The following DENND1B variants were observed in gnomAD, a reference collection of about 807,000 sequenced individuals.
DENND1B encodes DENN domain-containing protein 1B.
DENND1B carries 59 observed loss-of-function variants against 90.1 expected under a neutral mutation model. The ratio of observed to expected loss-of-function variants is 0.65; its 90% CI spans 0.53 to 0.81. The LOEUF is 0.81. Ranked by LOEUF, DENND1B falls within the 40% of genes least tolerant of loss-of-function variation. The pLI is 0.00. For missense variants in DENND1B, 862 were observed against 912.6 expected (o/e 0.94, Z 0.71); for synonymous variants, 337 against 324.6 (o/e 1.04, Z -0.41).
rs75804116 is a variant in DENND1B, at chr1:197,718,969, T to C, written c.83-3895A>G. On this transcript the variant is annotated intron_variant, in intron 2 of 22. Transcript: ENST00000620048. The stretch of plus-strand genomic sequence containing the variant: ...AATGCAGCTAGAGTGTGTGTTATTA[T>C]GAAAGTCAAGAGAAGAGGGTGTATC... Among the ~76,000 whole-genome samples, 1,272 of 152,156 alleles carry C rather than the reference T, an allele frequency of 8.4e-3. 18 individuals carry two copies. Among genetic ancestry groups the C allele is most frequent in the African/African-American group, 0.028 (1,168 of 41,524 alleles).
chr1:197,627,045 C>A (rs1678815453), intron 10 of DENND1B, among the ~76,000 whole-genome samples: 1 of 151,934 alleles, frequency 6.6e-6, no homozygotes, highest in South Asian at 2.1e-4. Context: ...AGTAGCTTAC[C>A]AAACCAAAAG....
At chr1:197,551,886 CCA>C (rs1671269455) in intron 16 of DENND1B, among the ~76,000 whole-genome samples, 1 of 152,094 alleles carries the variant, frequency 6.6e-6, no homozygotes, top group Non-Finnish European at 1.5e-5. Context: ...CTGAATGATT[CCA>C]CATTCAGCTT....
At chr1:197,552,435 A>G (rs1212104163) in intron 16 of DENND1B, 2 of 985,330 alleles carry the variant, frequency 2.0e-6, no homozygotes. Flanking sequence ...TAAATTATTA[A>G]TTGCCTAGAT....
rs1671297691 is a variant in DENND1B at position 197,552,225 on chromosome 1, T to C, written c.1240+797A>G. 5.1e-6 allele frequency: 5 copies of C among 983,938 alleles called. No homozygotes were observed. The South Asian group carries it at 1.4e-4, about 28-fold the overall frequency. The allele number at this position is 983,938 out of a possible 1,614,324, so 61.0% of individuals were successfully genotyped here. A position where few individuals can be genotyped will look rare whatever the true frequency, so the allele number is the denominator to read the frequency against. On this transcript the variant is annotated intron_variant, in intron 16 of 22. Transcript: ENST00000620048. Reference sequence around the variant, plus strand: ...AAAGAAGTTTAAAAAATTGCTATTATACCAGGCCAAAAATTAACACACTAA... The same window carrying C: ...AAAGAAGTTTAAAAAATTGCTATTACACCAGGCCAAAAATTAACACACTAA...
At chr1:197,766,333 C>G (rs1655694730) in intron 2 of DENND1B, among the ~76,000 whole-genome samples, 1 of 152,192 alleles carries the variant, frequency 6.6e-6, no homozygotes, top group Admixed American at 6.5e-5. Context: ...CTTAAATGAA[C>G]ACAAAGTTAC....
In DENND1B at chr1:197,769,045, G is replaced by T. The variant is rs190783736; in HGVS notation, c.82+3823C>A. 5.9e-5 allele frequency among the ~76,000 whole-genome samples: 9 copies of T among 152,112 alleles called. No homozygotes were observed. In the East Asian group the frequency reaches 1.4e-3, roughly 23 times the overall value. On this transcript the variant is annotated intron_variant, in intron 2 of 22. Coordinates refer to ENST00000620048, the MANE Select transcript of DENND1B (RefSeq NM_001195215.2). ...TGAAGATACTTATCTAAGCTATTCA[G>T]GATAAATGAAAACATTTAGACTTAC...
At chr1:197,714,959 C>T in intron 3 of DENND1B, 72 bp downstream of exon 3, 1 of 1,120,412 alleles carries the variant, frequency 8.9e-7, no homozygotes, top group South Asian at 1.3e-5. Flanking sequence ...ATACTAGCAA[C>T]AGCAGCAGTA....
chr1:197,757,228 G>A (rs1191886394), intron 2 of DENND1B: 1 of 152,100 alleles, frequency 6.6e-6, no homozygotes, highest in African/African-American at 2.4e-5. Context: ...CAAAGAAACA[G>A]GCTCAGAGTG....
At chr1:197,569,371 T>C (rs1395520596) in intron 15 of DENND1B, among the ~76,000 whole-genome samples, 1 of 152,036 alleles carries the variant, frequency 6.6e-6, no homozygotes, top group African/African-American at 2.4e-5. Context: ...TGGAAGTTTC[T>C]CAAAAAACCA....
At chr1:197,512,514 T>A (rs565545801) in intron 21 of DENND1B, among the ~76,000 whole-genome samples, 1 of 151,824 alleles carries the variant, frequency 6.6e-6, no homozygotes, top group Non-Finnish European at 1.5e-5. Context: ...TACTGTACCC[T>A]CAATTCCATT....
chr1:197,645,839 T>A, intron 8 of DENND1B, 96 bp from the exon 9 acceptor site: 1 of 774,656 alleles, frequency 1.3e-6, no homozygotes, highest in Non-Finnish European at 2.0e-6. Flanking sequence ...TTGAGTAAAT[T>A]AAAAAATGCC....
chr1:197,777,305 T>G (rs1052076852), upstream of DENND1B, among the ~76,000 whole-genome samples: 13 of 152,214 alleles, frequency 8.5e-5, no homozygotes, highest in Non-Finnish European at 1.6e-4. Context: ...TAAATGACAG[T>G]CATACCCTTG....
At chr1:197,560,297 T>C (rs1168802758) in intron 15 of DENND1B, among the ~76,000 whole-genome samples, 1 of 151,800 alleles carries the variant, frequency 6.6e-6, no homozygotes, top group Non-Finnish European at 1.5e-5. Flanking sequence ...ACACCTGAAA[T>C]ACAGGAATAA....
At chr1:197,707,698 T>TA (rs1286251584) in intron 3 of DENND1B, among the ~76,000 whole-genome samples, 1 of 146,218 alleles carries the variant, frequency 6.8e-6, no homozygotes, top group Non-Finnish European at 1.5e-5. Context: ...TATAATATAA[T>TA]TATTATATTA....
upstream of DENND1B, among the ~76,000 whole-genome samples, chr1:197,780,534 C>T (rs1000810175): frequency 1.3e-5 from 2 of 151,882 alleles, no homozygotes; most frequent in Admixed American, 6.6e-5. Flanking sequence ...CCATGTTGGT[C>T]AGGACGGTCT....
chr1:197,592,192 C>G (rs915698312), intron 14 of DENND1B, among the ~76,000 whole-genome samples: 1 of 150,584 alleles, frequency 6.6e-6, no homozygotes, highest in Non-Finnish European at 1.5e-5. Flanking sequence ...AGAGAGGGAC[C>G]GTGAAAAAAA....
intron 20 of DENND1B, 67 bp downstream of exon 20, chr1:197,539,897 T>TA (rs1262964235): frequency 1.5e-6 from 2 of 1,328,438 alleles, no homozygotes. Context: ...AAATTGTTCC[T>TA]AAATAATTTA....
At chr1:197,553,227 A>C (rs1008017583) in intron 15 of DENND1B, 115 bp from the exon 16 acceptor site, 1 of 782,658 alleles carries the variant, frequency 1.3e-6, no homozygotes, top group African/African-American at 1.8e-5. Flanking sequence ...TTAATAACAG[A>C]CTCTTGTATA....
At chr1:197,595,512 C>G (rs755534992) in intron 13 of DENND1B, among the ~76,000 whole-genome samples, 179 bp from the exon 14 acceptor site, 3 of 152,080 alleles carry the variant, frequency 2.0e-5, no homozygotes, top group Non-Finnish European at 2.9e-5. Flanking sequence ...GAAACGAAAG[C>G]AGGAGAGGAG....
Sources: allele counts gnomAD v4.1 joint callset (sites outside exome capture counted in the v4.1 genomes callset), GRCh38; gene constraint gnomAD v4.1.1; transcripts MANE v1.5; gene names NCBI Gene and HGNC (gene_info 2026-07-23, HGNC 2026-07-21).